ZDHHC21: variants seen among roughly 807,000 people sequenced by gnomAD.
The protein encoded by ZDHHC21 is zDHHC palmitoyltransferase 21.
ZDHHC21 carries 15 observed loss-of-function variants against 34.6 expected under a neutral mutation model. That is an observed-to-expected ratio of 0.43 (90% CI 0.29 to 0.67). The LOEUF is 0.67. Among genes scored for constraint, ZDHHC21 ranks in the 30% least tolerant of loss-of-function variants. ZDHHC21 has a pLI of 0.14. For missense variants in ZDHHC21, 344 were observed against 327.7 expected, an observed-to-expected ratio of 1.05 and a Z score of -0.38; for synonymous variants, 142 against 101.8, an observed-to-expected ratio of 1.40 and a Z score of -2.38.
intron 5 of ZDHHC21, among the ~76,000 whole-genome samples, chr9:14,670,020 C>CA (rs200868302): frequency 0.011 from 1,677 of 148,666 alleles, 33 homozygotes; most frequent in African/African-American, 0.039. Context: ...AACAAATAAA[C>CA]AAAAAAAAAC....
intron 7 of ZDHHC21, among the ~76,000 whole-genome samples, chr9:14,651,555 G>T (rs1831247596): frequency 6.6e-6 from 1 of 151,762 alleles, no homozygotes; most frequent in Non-Finnish European, 1.5e-5. Flanking sequence ...ATATTTCATA[G>T]GAGTAGACAT....
chr9:14,687,054 CAG>C (rs1403394492), intron 2 of ZDHHC21, among the ~76,000 whole-genome samples: 1 of 149,870 alleles, frequency 6.7e-6, no homozygotes, highest in African/African-American at 2.5e-5. Flanking sequence ...AAAATTCAAA[CAG>C]AATTAAATGT....
downstream of ZDHHC21, among the ~76,000 whole-genome samples, chr9:14,609,561 G>A (rs540964968): frequency 2.0e-5 from 3 of 152,116 alleles, no homozygotes; most frequent in South Asian, 2.1e-4. Flanking sequence ...AAACTTAACC[G>A]CTTCCCAGTA....
chr9:14,637,173 G>A (rs1828456918), intron 8 of ZDHHC21, among the ~76,000 whole-genome samples: 1 of 151,928 alleles, frequency 6.6e-6, no homozygotes, highest in South Asian at 2.1e-4. Flanking sequence ...TAACCAAGAA[G>A]AGACAGGACC....
intron 6 of ZDHHC21, among the ~76,000 whole-genome samples, chr9:14,659,393 CT>C (rs1324118332): frequency 1.3e-5 from 2 of 152,202 alleles, no homozygotes; most frequent in South Asian, 2.1e-4. Context: ...AAATCTACCC[CT>C]GGTTGCTGAA....
At chr9:14,633,499 G>A (rs370042552) in intron 8 of ZDHHC21, among the ~76,000 whole-genome samples, 19 of 152,176 alleles carry the variant, frequency 1.2e-4, no homozygotes, top group African/African-American at 4.1e-4. Flanking sequence ...GCTGGGTCCC[G>A]CACAGCCTTT....
intron 8 of ZDHHC21, among the ~76,000 whole-genome samples, chr9:14,636,130 T>G (rs916148020): frequency 3.9e-5 from 6 of 152,050 alleles, no homozygotes; most frequent in African/African-American, 1.4e-4. Context: ...ATGGACTAAA[T>G]AAACAAACAA....
intron 3 of ZDHHC21, among the ~76,000 whole-genome samples, chr9:14,675,927 T>C (rs10961654): frequency 0.36 from 54,942 of 151,638 alleles, 10,332 homozygotes; most frequent in Non-Finnish European, 0.41. Flanking sequence ...AGAGTAGAAA[T>C]TGTGGGAGGT....
At chr9:14,674,426 A>C in intron 3 of ZDHHC21, 41 bp from the exon 4 acceptor site, 1 of 1,343,658 alleles carries the variant, frequency 7.4e-7, no homozygotes, top group Non-Finnish European at 1.0e-6. Flanking sequence ...TTACATAGAA[A>C]AATTTGACTA....
Position 14,662,254 on chromosome 9 carries a change from C to G in ZDHHC21, c.326G>C (p.Cys109Ser). The G allele has an allele frequency of 6.2e-7, 1 of 1,613,066 alleles. No individual in the cohort carries two copies. The highest frequency in any genetic ancestry group is 8.5e-7 in the Non-Finnish European group (1 of 1,179,642). Reference protein sequence around the residue: ...RPKRSHHCSRCGHCVRRMDHH... With the variant: ...RPKRSHHCSRSGHCVRRMDHH... ...ATCCATTCTCCTCACACAGTGGCCG[C>G]AGCGGCTACAGTGATGGGAACGCTT... is the stretch of plus-strand genomic sequence containing the variant. The change falls in exon 6 of 10, where the codon TGC becomes TCC. Residue 109 changes from cysteine (C) to serine (S), a missense_variant. Coordinates refer to ENST00000380916, the MANE Select transcript of ZDHHC21 (RefSeq NM_178566.6).
chr9:14,602,895 G>A, the ZDHHC21 span, among the ~76,000 whole-genome samples: 1 of 118,052 alleles, frequency 8.5e-6, no homozygotes, highest in East Asian at 2.7e-4. Context: ...CTGCATTCCA[G>A]CAGCCTGGAA....
intron 6 of ZDHHC21, 47 bp downstream of exon 6, chr9:14,662,168 T>C (rs940062073): frequency 1.5e-5 from 21 of 1,393,026 alleles, no homozygotes; most frequent in Non-Finnish European, 2.1e-5. Flanking sequence ...AGATTTACAT[T>C]TTATTACCCA....
chr9:14,627,184 A>G (rs1157069477), intron 8 of ZDHHC21, among the ~76,000 whole-genome samples: 1 of 152,196 alleles, frequency 6.6e-6, no homozygotes, highest in African/African-American at 2.4e-5. Context: ...TTAAAAGGCA[A>G]GTAAATCGAC....
intron 8 of ZDHHC21, among the ~76,000 whole-genome samples, chr9:14,631,211 G>C (rs1465583530): frequency 6.6e-6 from 1 of 152,208 alleles, no homozygotes; most frequent in Non-Finnish European, 1.5e-5. Context: ...TGGATAATTT[G>C]TTGCAACTTC....
At chr9:14,680,388 A>G (rs1837160366) in intron 2 of ZDHHC21, among the ~76,000 whole-genome samples, 1 of 151,570 alleles carries the variant, frequency 6.6e-6, no homozygotes, top group Admixed American at 6.6e-5. Flanking sequence ...CACTTCCCAT[A>G]AAATCAAATA....
intron 7 of ZDHHC21, among the ~76,000 whole-genome samples, chr9:14,655,404 A>C (rs1192168231): frequency 6.6e-6 from 1 of 151,976 alleles, no homozygotes; most frequent in Admixed American, 6.6e-5. Flanking sequence ...AAAAAGCACC[A>C]ATATGTAGAT....
chr9:14,597,768 A>G, the ZDHHC21 span, among the ~76,000 whole-genome samples: 1 of 152,100 alleles, frequency 6.6e-6, no homozygotes. Context: ...CAGCAACACG[A>G]GCCCTGACAA....
Position 14,680,133 on chromosome 9 carries a change from C to G in ZDHHC21, c.-146G>C, listed in dbSNP as rs920462884. 6.6e-6 allele frequency: 1 copy of G among 152,446 alleles called. No homozygotes were observed. Among genetic ancestry groups the G allele is most frequent in the Non-Finnish European group, 1.5e-5 (1 of 67,972 alleles). The allele number at this position is 152,446 out of a possible 1,614,324, so 9.4% of individuals were successfully genotyped here. A position where few individuals can be genotyped will look rare whatever the true frequency, so the allele number is the denominator to read the frequency against. Reference sequence around the variant, plus strand: ...TTTAATTATATCCCACCAAATGGATCTCTCTTCAATAACAGTTCTCCATGA... The same window carrying G: ...TTTAATTATATCCCACCAAATGGATGTCTCTTCAATAACAGTTCTCCATGA... On this transcript the variant is annotated 5_prime_UTR_variant, in exon 3 of 10. Coordinates refer to ENST00000380916, the MANE Select transcript of ZDHHC21 (RefSeq NM_178566.6).
intron 8 of ZDHHC21, among the ~76,000 whole-genome samples, chr9:14,636,517 A>G (rs908568112): frequency 4.6e-5 from 7 of 152,168 alleles, no homozygotes; most frequent in African/African-American, 1.7e-4. Flanking sequence ...TAGTTAACAA[A>G]GAAACATCAG....
Sources: allele counts gnomAD v4.1 joint callset (sites outside exome capture counted in the v4.1 genomes callset), GRCh38; gene constraint gnomAD v4.1.1; transcripts MANE v1.5; gene names NCBI Gene and HGNC (gene_info 2026-07-23, HGNC 2026-07-21).